The following FHIP1A variants were observed in gnomAD, a reference collection of about 807,000 sequenced individuals.
The protein encoded by FHIP1A is FHF complex subunit HOOK-interacting protein 1A.
In FHIP1A, 61 loss-of-function variants were observed where a neutral mutation model predicts 88.6. That is an observed-to-expected ratio of 0.69 (90% CI 0.56 to 0.85). The LOEUF (loss-of-function observed/expected upper bound fraction) is 0.85, where lower values mean the gene tolerates loss of function less well. Among genes scored for constraint, FHIP1A ranks in the 40% least tolerant of loss-of-function variants. The pLI, the probability that FHIP1A is intolerant of heterozygous loss-of-function variation, is 0.00. For synonymous variants in FHIP1A, 478 were observed against 496.0 expected, an observed-to-expected ratio of 0.96 and a Z score of 0.48; for missense variants, 1,154 against 1,273.5, an observed-to-expected ratio of 0.91 and a Z score of 1.43.
chr4:151,608,521 A>T (rs1231623071), intron 7 of FHIP1A, among the ~76,000 whole-genome samples: 1 of 152,154 alleles, frequency 6.6e-6, no homozygotes, highest in Non-Finnish European at 1.5e-5. Flanking sequence ...ATTCTGCTTT[A>T]ATAGGTAGGG....
chr4:151,481,279 C>T (rs999440611), intron 2 of FHIP1A, among the ~76,000 whole-genome samples: 1 of 151,742 alleles, frequency 6.6e-6, no homozygotes, highest in African/African-American at 2.4e-5. Context: ...TAACTCATAA[C>T]ATTTCTTTTT....
intron 3 of FHIP1A, among the ~76,000 whole-genome samples, chr4:151,549,511 A>T (rs1433879796): frequency 7.0e-6 from 1 of 142,594 alleles, no homozygotes; most frequent in Admixed American, 7.1e-5. Flanking sequence ...AAAAAAAAAA[A>T]TAGTTACCCT....
intron 1 of FHIP1A, among the ~76,000 whole-genome samples, chr4:151,441,603 T>C (rs1390960799): frequency 6.6e-6 from 1 of 152,218 alleles, no homozygotes; most frequent in Non-Finnish European, 1.5e-5. Flanking sequence ...TTTCCTCTGC[T>C]CAAGCTCAAA....
At chr4:151,524,295 CTGTCTCAAAAAAAAAAAAAAAAGT>C (rs2126699844) in intron 3 of FHIP1A, among the ~76,000 whole-genome samples, 1 of 125,684 alleles carries the variant, frequency 8.0e-6, no homozygotes, top group East Asian at 2.2e-4. Context: ...GAGTGAGAAT[CTGTCTCAAAAAAAAAAAAAAAAGT>C]TGTTACTTAA....
chr4:151,549,761 C>A (rs1408779483), intron 3 of FHIP1A, among the ~76,000 whole-genome samples: 1 of 152,112 alleles, frequency 6.6e-6, no homozygotes, highest in Non-Finnish European at 1.5e-5. Context: ...TGCATGAGAT[C>A]CAAGAGCCCT....
chr4:151,586,348 A>G (rs968189820), intron 5 of FHIP1A, among the ~76,000 whole-genome samples: 1 of 152,086 alleles, frequency 6.6e-6, no homozygotes, highest in Non-Finnish European at 1.5e-5. Flanking sequence ...TACTCCTCCT[A>G]CACCTAGCCC....
intron 3 of FHIP1A, among the ~76,000 whole-genome samples, chr4:151,523,182 A>G (rs1387043003): frequency 6.6e-6 from 1 of 152,178 alleles, no homozygotes; most frequent in Non-Finnish European, 1.5e-5. Context: ...GCAGGAGAAA[A>G]TCAACTTAAG....
intron 3 of FHIP1A, among the ~76,000 whole-genome samples, chr4:151,500,608 A>G (rs534509289): frequency 2.0e-5 from 3 of 152,256 alleles, no homozygotes; most frequent in South Asian, 2.1e-4. Flanking sequence ...TGTGAGGACT[A>G]TATTTATTTA....
intron 5 of FHIP1A, among the ~76,000 whole-genome samples, chr4:151,581,603 G>A (rs1734029004): frequency 1.3e-5 from 2 of 151,992 alleles, no homozygotes; most frequent in African/African-American, 2.4e-5. Flanking sequence ...AATGGAACAC[G>A]AGCTTCATTG....
intron 3 of FHIP1A, among the ~76,000 whole-genome samples, chr4:151,558,148 G>T (rs528108009): frequency 3.4e-4 from 52 of 152,268 alleles, no homozygotes; most frequent in African/African-American, 1.2e-3. Flanking sequence ...ATTTACAGGT[G>T]CATAATAATA....
At chr4:151,594,539 G>A (rs953692670) in intron 7 of FHIP1A, among the ~76,000 whole-genome samples, 5 of 151,172 alleles carry the variant, frequency 3.3e-5, no homozygotes, top group African/African-American at 1.2e-4. Context: ...TTCTCTTATT[G>A]TAGTTTGTAT....
intron 5 of FHIP1A, 133 bp from the exon 6 acceptor site, chr4:151,586,506 GCT>G: frequency 1.6e-6 from 1 of 612,742 alleles, no homozygotes; most frequent in Non-Finnish European, 2.7e-6. Context: ...TGGCTGACGG[GCT>G]CTTATACCTT....
At chr4:151,454,313 A>T (rs189614978) in intron 1 of FHIP1A, among the ~76,000 whole-genome samples, 1 of 152,196 alleles carries the variant, frequency 6.6e-6, no homozygotes, top group African/African-American at 2.4e-5. Context: ...GGTGTGAAAG[A>T]CAGGCAGCCA....
intron 3 of FHIP1A, among the ~76,000 whole-genome samples, chr4:151,514,372 C>T (rs1024419531): frequency 6.6e-6 from 1 of 151,170 alleles, no homozygotes; most frequent in Non-Finnish European, 1.5e-5. Flanking sequence ...AAATTGACAC[C>T]CTAACATCAC....
At chr4:151,415,048 A>C (rs996085946) in intron 1 of FHIP1A, among the ~76,000 whole-genome samples, 1 of 152,160 alleles carries the variant, frequency 6.6e-6, no homozygotes, top group African/African-American at 2.4e-5. Context: ...ATCCTATGCA[A>C]CTTTCAACTT....
intron 7 of FHIP1A, among the ~76,000 whole-genome samples, chr4:151,596,852 G>T (rs548557011): frequency 6.6e-6 from 1 of 152,012 alleles, no homozygotes; most frequent in Non-Finnish European, 1.5e-5. Context: ...TGAAGTGCTC[G>T]TGTTGTGTTT....
At chr4:151,440,266 G>A (rs964518566) in intron 1 of FHIP1A, among the ~76,000 whole-genome samples, 4 of 152,174 alleles carry the variant, frequency 2.6e-5, no homozygotes, top group African/African-American at 7.2e-5. Flanking sequence ...GGGATTACGA[G>A]TGTTACAATT....
chr4:151,649,626 T>A lies in FHIP1A; in HGVS notation c.1585T>A (p.Ser529Thr), dbSNP rs1289163831. The A allele has an allele frequency of 2.6e-6, 4 of 1,551,466 alleles. No individual in the cohort carries two copies. The highest frequency in any genetic ancestry group is 3.5e-6 in the Non-Finnish European group (4 of 1,146,962). The change falls in exon 11 of 14, where the codon TCC (serine) becomes ACC (threonine). Residue 529 changes from serine (S) to threonine (T), a missense_variant. Ser to Thr is a moderately conservative substitution (Grantham distance 58). Coordinates refer to ENST00000435205, the MANE Select transcript of FHIP1A (RefSeq NM_001109977.3). Reference sequence around the variant, plus strand: ...CTGGTCCGCCCTGTATGATGGCGACTCCCCCGACCCTGAGATGTTTCTCCA... The same window carrying A: ...CTGGTCCGCCCTGTATGATGGCGACACCCCCGACCCTGAGATGTTTCTCCA... Reference protein sequence around the residue: ...RVWSALYDGDSPDPEMFLQSL... With the variant: ...RVWSALYDGDTPDPEMFLQSL...
intron 2 of FHIP1A, among the ~76,000 whole-genome samples, chr4:151,480,876 G>T (rs921980193): frequency 6.6e-6 from 1 of 151,760 alleles, no homozygotes; most frequent in East Asian, 1.9e-4. Context: ...ATAAGAGAAG[G>T]TACATTCTAA....
Sources: gnomAD v4.1 joint callset for allele counts (sites outside exome capture counted in the v4.1 genomes callset) on GRCh38, gnomAD v4.1.1 for gene constraint, MANE v1.5 for transcripts, NCBI Gene and HGNC (gene_info 2026-07-23, HGNC 2026-07-21) for gene names.